OR4N5: variants seen among roughly 807,000 people sequenced by gnomAD.
OR4N5 encodes the protein olfactory receptor 4N5.
For synonymous variants in OR4N5, 155 were observed against 140.6 expected (o/e 1.10, Z -0.72); for missense variants, 428 against 370.0 (o/e 1.16, Z -1.29).
intron 2 of OR4N5, among the ~76,000 whole-genome samples, 160 bp from the exon 3 acceptor site, chr14:20,143,565 G>T (rs1052990133): frequency 6.6e-6 from 1 of 152,204 alleles, no homozygotes; most frequent in Non-Finnish European, 1.5e-5. Context: ...GGAATAAAGA[G>T]GATGAAGAAT....
intron 2 of OR4N5, among the ~76,000 whole-genome samples, chr14:20,143,313 A>G (rs1231161772): frequency 6.6e-6 from 1 of 152,252 alleles, no homozygotes; most frequent in African/African-American, 2.4e-5. Flanking sequence ...TGTGACAGGA[A>G]GAAAGGGAAC....
chr14:20,139,886 A>AT lies in OR4N5; in HGVS notation c.-380-953dup, dbSNP rs563789060. Among the ~76,000 whole-genome samples, 19 of 152,324 alleles carry AT rather than the reference A, an allele frequency of 1.2e-4. 2 individuals carry two copies. Among genetic ancestry groups the AT allele is most frequent in the African/African-American group, 4.6e-4 (19 of 41,600 alleles). On this transcript the variant is annotated intron_variant, in intron 1 of 2. Transcript: ENST00000641086. ...AAAATAATTCTCAAACCAGAGACCT[A>AT]TTTTAGAACACCAAAATAACTTGCC... is the stretch of plus-strand genomic sequence containing the variant.
Position 20,141,171 on chromosome 14 carries a change from G to C in OR4N5, c.-52G>C, listed in dbSNP as rs1878608612. The C allele has an allele frequency of 6.6e-6, 1 of 152,090 alleles. No individual in the cohort carries two copies. The highest frequency in any genetic ancestry group is 2.4e-5 in the African/African-American group (1 of 41,416). 9.4% of individuals were successfully genotyped at this position (152,090 alleles called of 1,614,324 possible). A position where few individuals can be genotyped will look rare whatever the true frequency, so the allele number is the denominator to read the frequency against. On this transcript the variant is annotated 5_prime_UTR_variant, in exon 2 of 3. It removes an upstream start codon present in the reference 5' UTR. Coordinates refer to ENST00000641086, the MANE Select transcript of OR4N5 (RefSeq NM_001004724.2). Reference sequence around the variant, plus strand: ...TGGAATCCTCAACCTGGAGAAGCATGAGATAACTAACTATAATTGAACATC... The same window carrying C: ...TGGAATCCTCAACCTGGAGAAGCATCAGATAACTAACTATAATTGAACATC...
At position 20,145,258 on chromosome 14, in the gene OR4N5, G is replaced by C. The variant is rs1878715541; in HGVS notation, c.*596G>C. On this transcript the variant is annotated 3_prime_UTR_variant, in exon 3 of 3. Transcript: ENST00000641086. ...AATTTGGTAGGGGCAAAATTATGTA[G>C]AGCATTTTAGTCAATAAGAAGTTCA... The C allele has an allele frequency of 6.6e-6, 1 of 152,192 alleles. No homozygotes were observed. Among genetic ancestry groups the C allele is most frequent in the Admixed American group, 6.6e-5 (1 of 15,260 alleles). The allele number at this position is 152,192 out of a possible 1,614,324, so 9.4% of individuals were successfully genotyped here.
chr14:20,143,819 T>A lies in OR4N5; in HGVS notation c.84T>A (p.Phe28Leu), dbSNP rs1275499013. Residue 28 changes from phenylalanine to leucine, a missense_variant, in exon 3 of 3, where the codon TTT (phenylalanine) becomes TTA (leucine). Physicochemically the swap from Phe to Leu is conservative, Grantham distance 22. Coordinates refer to ENST00000641086, the MANE Select transcript of OR4N5 (RefSeq NM_001004724.2). ...CTCAAGATGCTCAACTTCTGGTCTT[T>A]GTGCTAGTCTTAATTTTCTACCTTA... is the stretch of plus-strand genomic sequence containing the variant. Reference protein sequence around the residue: ...TQSQDAQLLVFVLVLIFYLII... With the variant: ...TQSQDAQLLVLVLVLIFYLII... 6.2e-7 allele frequency: 1 copy of A among 1,613,958 alleles called. No individual in the cohort carries two copies. Among genetic ancestry groups the A allele is most frequent in the Admixed American group, 1.7e-5 (1 of 59,992 alleles).
At chr14:20,142,414 C>T (rs975310733) in intron 2 of OR4N5, among the ~76,000 whole-genome samples, 1 of 152,102 alleles carries the variant, frequency 6.6e-6, no homozygotes, top group Admixed American at 6.6e-5. Context: ...CAGGTGTGAA[C>T]AAATACATTT....
At position 20,144,804 on chromosome 14, in the gene OR4N5, G is replaced by T; in HGVS notation, c.*142G>T. The T allele has an allele frequency of 1.6e-6, 1 of 612,736 alleles. No homozygotes were observed. Among genetic ancestry groups the T allele is most frequent in the Non-Finnish European group, 2.9e-6 (1 of 350,364 alleles). The allele number at this position is 612,736 out of a possible 1,614,324, so 38.0% of individuals were successfully genotyped here. A position where few individuals can be genotyped will look rare whatever the true frequency, so the allele number is the denominator to read the frequency against. On this transcript the variant is annotated 3_prime_UTR_variant, in exon 3 of 3. Transcript: ENST00000641086. ...TTCCCATTTTCAGGCACTATTCCAG[G>T]CATATGAATGAGACAGGTAAGATTC...
chr14:20,139,128 A>T (rs533282529), intron 1 of OR4N5, among the ~76,000 whole-genome samples: 8 of 152,214 alleles, frequency 5.3e-5, no homozygotes, highest in African/African-American at 1.9e-4. Flanking sequence ...AAAGGTGCTA[A>T]AATTTTTAAT....
In OR4N5 at chr14:20,143,706, G is replaced by A. The variant is rs1594205439; in HGVS notation, c.-11-19G>A. On this transcript the variant is annotated intron_variant, in intron 2 of 2. Transcript: ENST00000641086. The stretch of plus-strand genomic sequence containing the variant: ...AGGTGGTTATAACAGATAACAATTT[G>A]CCCTATTTTATTCTGCAGAGTGAGA... 1 of 1,472,158 alleles carries A rather than the reference G, an allele frequency of 6.8e-7. No individual in the cohort carries two copies. 91.2% of individuals were successfully genotyped at this position (1,472,158 alleles called of 1,614,324 possible).
In OR4N5 at chr14:20,144,525, G is replaced by C. The variant is rs745476768; in HGVS notation, c.790G>C (p.Ala264Pro). Reference sequence around the variant, plus strand: ...TTTCATCTACACTTGCCCCTTCCAGGCTTTCCCAGCTGACAAGGTAGTTTC... The same window carrying C: ...TTTCATCTACACTTGCCCCTTCCAGCCTTTCCCAGCTGACAAGGTAGTTTC... ...AIFIYTCPFQ[A>P]FPADKVVSLF... Residue 264 changes from alanine to proline, a missense_variant, in exon 3 of 3, where the codon GCT (alanine) becomes CCT (proline). Physicochemically the swap from Ala to Pro is conservative, Grantham distance 27. Coordinates refer to ENST00000641086, the MANE Select transcript of OR4N5 (RefSeq NM_001004724.2). 18 of 1,613,870 alleles carry C rather than the reference G, an allele frequency of 1.1e-5. No individual in the cohort carries two copies. In the African/African-American group the frequency reaches 2.0e-4, roughly 18 times the overall value.
chr14:20,142,189 G>A (rs143638650), intron 2 of OR4N5, among the ~76,000 whole-genome samples: 1 of 151,616 alleles, frequency 6.6e-6, no homozygotes, highest in African/African-American at 2.4e-5. Context: ...ACAGTGGTGC[G>A]ATCTCAGCTC....
chr14:20,143,934 G>A lies in OR4N5; in HGVS notation c.199G>A (p.Ala67Thr), dbSNP rs201271900. The A allele has an allele frequency of 6.2e-7, 1 of 1,613,984 alleles. No individual in the cohort carries two copies. The highest frequency in any genetic ancestry group is 8.5e-7 in the Non-Finnish European group (1 of 1,179,946). ...CCTCTATTTCTTTCTGGGCAACTTGGCCTTACTGGATGCATCCTACTCCTT... is the reference window on the plus strand; with the variant it reads ...CCTCTATTTCTTTCTGGGCAACTTGACCTTACTGGATGCATCCTACTCCTT... ...APLYFFLGNL[A>T]LLDASYSFIV... is the part of the protein sequence containing the mutation. The change falls in exon 3 of 3, where the codon GCC becomes ACC. Residue 67 changes from alanine to threonine, a missense_variant. Physicochemically the swap from Ala to Thr is moderately conservative, Grantham distance 58. Transcript: ENST00000641086.
intron 2 of OR4N5, among the ~76,000 whole-genome samples, chr14:20,141,567 T>C (rs551575893): frequency 6.6e-6 from 1 of 152,276 alleles, no homozygotes; most frequent in East Asian, 1.9e-4. Flanking sequence ...ATATATTACC[T>C]ACGTTTCCCC....
intron 1 of OR4N5, among the ~76,000 whole-genome samples, chr14:20,139,375 C>G (rs1878571364): frequency 6.6e-6 from 1 of 152,096 alleles, no homozygotes; most frequent in South Asian, 2.1e-4. Flanking sequence ...ATGTGTTTCC[C>G]CATCTGCACA....
At chr14:20,141,602 G>A (rs1430517412) in intron 2 of OR4N5, among the ~76,000 whole-genome samples, 1 of 151,960 alleles carries the variant, frequency 6.6e-6, no homozygotes, top group Non-Finnish European at 1.5e-5. Flanking sequence ...GATTTTTAAG[G>A]CTGATTTTTC....
At chr14:20,139,201 A>AT (rs1878568399) in intron 1 of OR4N5, among the ~76,000 whole-genome samples, 1 of 152,188 alleles carries the variant, frequency 6.6e-6, no homozygotes, top group South Asian at 2.1e-4. Context: ...CTGGATTTCA[A>AT]TTTGTATATA....
At position 20,144,127 on chromosome 14, in the gene OR4N5, A is replaced by G. The variant is rs55660957; in HGVS notation, c.392A>G (p.His131Arg). Residue 131 changes from histidine to arginine, a missense_variant, in exon 3 of 3, where the codon CAC becomes CGC. Physicochemically the swap from His to Arg is conservative, Grantham distance 29. Coordinates refer to ENST00000641086, the MANE Select transcript of OR4N5 (RefSeq NM_001004724.2). Reference sequence around the variant, plus strand: ...TACATCGCCATCTGCCGGCCTTTACACTATTCAACCATCATGAACCCTAGA... The same window carrying G: ...TACATCGCCATCTGCCGGCCTTTACGCTATTCAACCATCATGAACCCTAGA... ...DRYIAICRPLHYSTIMNPRAC... is the reference protein window; with the variant it reads ...DRYIAICRPLRYSTIMNPRAC... 2.5e-3 allele frequency: 4,026 copies of G among 1,614,020 alleles called. 110 individuals are homozygous for G. The African/African-American group carries it at 0.048, about 19-fold the overall frequency.
chr14:20,139,826 T>C (rs530813887), intron 1 of OR4N5, among the ~76,000 whole-genome samples: 1 of 152,266 alleles, frequency 6.6e-6, no homozygotes, highest in South Asian at 2.1e-4. Flanking sequence ...TTGCCTAAGC[T>C]TCCTAAAATT....
intron 1 of OR4N5, 74 bp downstream of exon 1, chr14:20,138,964 G>A (rs1001293512): frequency 6.6e-6 from 1 of 151,698 alleles, no homozygotes; most frequent in African/African-American, 2.4e-5. Flanking sequence ...TATACTATTT[G>A]TCTTGGTTAT....
Sources: gnomAD v4.1 joint callset for allele counts (sites outside exome capture counted in the v4.1 genomes callset) on GRCh38, gnomAD v4.1.1 for gene constraint, MANE v1.5 for transcripts, NCBI Gene and HGNC (gene_info 2026-07-23, HGNC 2026-07-21) for gene names.